SEPTIN4: variants seen among roughly 807,000 people sequenced by gnomAD.
SEPTIN4 encodes the protein septin 4, also known as septin-4.
Under a neutral mutation model 107.1 loss-of-function variants are expected in SEPTIN4, and 52 were observed. That is an observed-to-expected ratio of 0.49 (90% CI 0.39 to 0.61). SEPTIN4 has a LOEUF of 0.61. Ranked by LOEUF, SEPTIN4 falls within the 20% of genes least tolerant of loss-of-function variation. The pLI, the probability that SEPTIN4 is intolerant of heterozygous loss-of-function variation, is 0.00. For synonymous variants in SEPTIN4, 417 were observed against 467.0 expected (o/e 0.89, Z 1.38); for missense variants, 1,048 against 1,243.5 (o/e 0.84, Z 2.36).
intron 3 of SEPTIN4, among the ~76,000 whole-genome samples, chr17:58,532,970 T>C (rs1258106261): frequency 6.6e-6 from 1 of 152,144 alleles, no homozygotes; most frequent in South Asian, 2.1e-4. Context: ...CAGAAGCATG[T>C]CCCTTCCTGA....
intron 1 of SEPTIN4, 65 bp downstream of exon 1, chr17:58,542,561 G>A: frequency 1.9e-6 from 3 of 1,539,962 alleles, no homozygotes; most frequent in Non-Finnish European, 2.6e-6. Context: ...GGTCTTTCCT[G>A]CCCACCCCAA....
At position 58,543,431 on chromosome 17, in the gene SEPTIN4, A is replaced by G. The variant is rs111645535; in HGVS notation, c.756T>C (p.Pro252=). The G allele has an allele frequency of 1.9e-6, 3 of 1,614,226 alleles. No homozygotes were observed. The African/African-American group carries it at 4.0e-5, about 22-fold the overall frequency. Residue 252 remains proline (P), a synonymous_variant, in exon 1 of 14, where the codon CCT becomes CCC. Coordinates refer to ENST00000672673, the MANE Select transcript of SEPTIN4 (RefSeq NM_001368771.2). ...RVPVEESETG[P]YGPIPSKPKA... is the part of the protein sequence containing the mutation. ...TGGGTTTTGAAGGAATTGGACCGTA[A>G]GGACCTGTTTCTGATTCTTCTACAG...
rs775259373 is a variant in SEPTIN4 at position 58,525,716 on chromosome 17, G to A, written c.2071C>T (p.Arg691Trp). 28 of 1,614,108 alleles carry A rather than the reference G, an allele frequency of 1.7e-5. No homozygotes were observed. The highest frequency in any genetic ancestry group is 6.7e-5 in the Admixed American group (4 of 60,020). Residue 691 changes from arginine to tryptophan, a missense_variant, in exon 6 of 14, where the codon CGG becomes TGG. Physicochemically the swap from Arg to Trp is moderately radical, Grantham distance 101. Transcript: ENST00000672673. ...SLFLTDLYRD[R>W]KLLGAEERIM... ...TTACCTTCAGCACCAAGAAGTTTCCGGTCCCGGTACAGATCAGTGAGGAAG... is the reference window on the plus strand; with the variant it reads ...TTACCTTCAGCACCAAGAAGTTTCCAGTCCCGGTACAGATCAGTGAGGAAG...
In SEPTIN4 at chr17:58,543,346, A is replaced by T; in HGVS notation, c.841T>A (p.Ser281Thr). ...GCAGAAACTCGGTGTACACCATCAG[A>T]ATCTTTAAGGACAGAGAGTTTGAGC... ...SLLKLSVLKD[S>T]DGVHRVSARV... The change falls in exon 1 of 14, where the codon TCT becomes ACT. Residue 281 changes from serine (S) to threonine (T), a missense_variant. Coordinates refer to ENST00000672673, the MANE Select transcript of SEPTIN4 (RefSeq NM_001368771.2). 1 of 1,614,208 alleles carries T rather than the reference A, an allele frequency of 6.2e-7. No individual in the cohort carries two copies. The highest frequency in any genetic ancestry group is 8.5e-7 in the Non-Finnish European group (1 of 1,180,034).
chr17:58,526,379 ATCT>A (rs2042877491), intron 4 of SEPTIN4, 66 bp from the exon 5 acceptor site: 4 of 1,433,716 alleles, frequency 2.8e-6, no homozygotes, highest in South Asian at 3.2e-5. Flanking sequence ...CCCAGCGCCA[ATCT>A]TCTCTCCCTT....
At chr17:58,527,272 G>C (rs2043018560) in intron 3 of SEPTIN4, 3 of 594,322 alleles carry the variant, frequency 5.0e-6, no homozygotes, top group South Asian at 4.8e-5. Context: ...CTCCAGTTCT[G>C]GTCTCCTTCT....
At chr17:58,531,840 GC>G in intron 3 of SEPTIN4, 1 of 948,294 alleles carries the variant, frequency 1.1e-6, no homozygotes, top group Non-Finnish European at 1.3e-6. Context: ...CGGCGACGGC[GC>G]CTCCCACCCT....
At chr17:58,520,879 C>A in intron 12 of SEPTIN4, 37 bp from the exon 13 acceptor site, 1 of 1,613,848 alleles carries the variant, frequency 6.2e-7, no homozygotes, top group Non-Finnish European at 8.5e-7. Flanking sequence ...CGAGGAGGAC[C>A]CCAGCACCCG....
chr17:58,527,405 A>G (rs894190240), intron 3 of SEPTIN4: 1 of 355,230 alleles, frequency 2.8e-6, no homozygotes, highest in Non-Finnish European at 5.5e-6. Context: ...ACCCAAAAGG[A>G]GAGTACAGTG....
intron 3 of SEPTIN4, chr17:58,527,996 A>C (rs1283820359): frequency 4.1e-6 from 4 of 985,440 alleles, no homozygotes; most frequent in South Asian, 4.7e-5. Context: ...CTAGACCCTA[A>C]AGATTCTCCT....
chr17:58,526,111 C>T, intron 5 of SEPTIN4, 109 bp downstream of exon 5: 1 of 1,220,920 alleles, frequency 8.2e-7, no homozygotes, highest in African/African-American at 1.6e-5. Flanking sequence ...AACAGTACAG[C>T]CACTCGCTGC....
Position 58,543,654 on chromosome 17 carries a change from G to A in SEPTIN4, c.533C>T (p.Pro178Leu), listed in dbSNP as rs753901004. 6 of 1,614,044 alleles carry A rather than the reference G, an allele frequency of 3.7e-6. No homozygotes were observed. Among genetic ancestry groups the A allele is most frequent in the Non-Finnish European group, 5.1e-6 (6 of 1,180,016 alleles). ...LQSQILEDDP[P>L]SKVQNPQGVR... is the part of the protein sequence containing the mutation. ...TCCTTGGGGGTTCTGGACCTTGGAT[G>A]GTGGGTCATCTTCTAAGATTTGTGA... The change falls in exon 1 of 14, where the codon CCA becomes CTA. Residue 178 changes from proline to leucine, a missense_variant. Physicochemically the swap from Pro to Leu is moderately conservative, Grantham distance 98. Coordinates refer to ENST00000672673, the MANE Select transcript of SEPTIN4 (RefSeq NM_001368771.2).
In SEPTIN4 at chr17:58,542,781, A is replaced by G. The variant is rs796533210; in HGVS notation, c.1406T>C (p.Phe469Ser). ...TCTCTGGAACTTCAGATCCTCACAGAAAGGGCTAGAGTCTATTTTAAAACC... is the reference window on the plus strand; with the variant it reads ...TCTCTGGAACTTCAGATCCTCACAGGAAGGGCTAGAGTCTATTTTAAAACC... ...LSGFKIDSSPFCEDLKFQREK... is the reference protein window; with the variant it reads ...LSGFKIDSSPSCEDLKFQREK... Residue 469 changes from phenylalanine (F) to serine (S), a missense_variant, in exon 1 of 14, where the codon TTC (phenylalanine) becomes TCC (serine). Around this residue, in one of 2 missense-constraint regions of SEPTIN4, gnomAD observed 787 missense variants for 871.8 expected, o/e 0.90. Transcript: ENST00000672673. 10 of 1,614,042 alleles carry G rather than the reference A, an allele frequency of 6.2e-6. No individual in the cohort carries two copies. Among genetic ancestry groups the G allele is most frequent in the Admixed American group, 3.3e-5 (2 of 60,000 alleles).
chr17:58,532,034 A>C (rs1234421509), intron 3 of SEPTIN4: 2 of 1,125,442 alleles, frequency 1.8e-6, no homozygotes, highest in Non-Finnish European at 2.2e-6. Flanking sequence ...CTGCGCGCCG[A>C]CCTCGCAGCA....
Position 58,526,904 on chromosome 17 carries a change from C to T in SEPTIN4, c.1689G>A (p.Ala563=), listed in dbSNP as rs373228075. The part of the protein sequence containing the change: ...SKFVKDFSGN[A]SCHPPEAKTW... ...TCTTAGCCTCTGGTGGGTGGCAGCTCGCATTTCCTGAGAAATCCTTCACGA... is the reference window on the plus strand; with the variant it reads ...TCTTAGCCTCTGGTGGGTGGCAGCTTGCATTTCCTGAGAAATCCTTCACGA... Residue 563 remains alanine, a synonymous_variant, in exon 4 of 14, where the codon GCG becomes GCA. Coordinates refer to ENST00000672673, the MANE Select transcript of SEPTIN4 (RefSeq NM_001368771.2). 272 of 1,613,922 alleles carry T rather than the reference C, an allele frequency of 1.7e-4. No homozygotes were observed. The highest frequency in any genetic ancestry group is 2.3e-4 in the Admixed American group (14 of 59,990).
In SEPTIN4 at chr17:58,526,829, G is replaced by T. The variant is rs1282496069; in HGVS notation, c.1764C>A (p.Asp588Glu). Residue 588 changes from aspartate to glutamate, a missense_variant, in exon 4 of 14, where the codon GAC (aspartate) becomes GAA (glutamate). By Grantham distance (45) the Asp-to-Glu change is conservative (BLOSUM62 2). Coordinates refer to ENST00000672673, the MANE Select transcript of SEPTIN4 (RefSeq NM_001368771.2). ...QVPEPRPQAPDLYDDDLEFRP... is the reference protein window; with the variant it reads ...QVPEPRPQAPELYDDDLEFRP... Reference sequence around the variant, plus strand: ...TGAACTCCAGGTCATCATCATAGAGGTCCGGGGCCTGGGGCCTTGGCTCCG... The same window carrying T: ...TGAACTCCAGGTCATCATCATAGAGTTCCGGGGCCTGGGGCCTTGGCTCCG... The T allele has an allele frequency of 3.7e-6, 6 of 1,613,766 alleles. No individual in the cohort carries two copies. In the Admixed American group the frequency reaches 1.0e-4, roughly 27 times the overall value.
intron 3 of SEPTIN4, chr17:58,530,858 G>C (rs972600343): frequency 6.6e-6 from 1 of 152,386 alleles, no homozygotes; most frequent in African/African-American, 2.4e-5. Context: ...GCCTCTGCCT[G>C]GACACAGCTT....
chr17:58,535,087 C>T (rs1394678177), intron 3 of SEPTIN4, among the ~76,000 whole-genome samples: 1 of 152,204 alleles, frequency 6.6e-6, no homozygotes, highest in African/African-American at 2.4e-5. Context: ...CAAAGGCTAT[C>T]ACTGGGTTGT....
chr17:58,521,755 A>G lies in SEPTIN4; in HGVS notation c.2450T>C (p.Val817Ala). The change falls in exon 9 of 14, where the codon GTG becomes GCG. Residue 817 changes from valine (V) to alanine (A), a missense_variant. Physicochemically the swap from Val to Ala is moderately conservative, Grantham distance 64 (BLOSUM62 0). Coordinates refer to ENST00000672673, the MANE Select transcript of SEPTIN4 (RefSeq NM_001368771.2). This position sits in a 1 kb window ranked among gnomAD's most constrained non-coding sequence, Gnocchi z 6.4. Reference sequence around the variant, plus strand: ...CCTCACTTTGCGTTTCTTGTGGTCCACTTCGGGAGGTGTCAGTGTGTCTGC... The same window carrying G: ...CCTCACTTTGCGTTTCTTGTGGTCCGCTTCGGGAGGTGTCAGTGTGTCTGC... ...AKADTLTPPEVDHKKRKIREE... is the reference protein window; with the variant it reads ...AKADTLTPPEADHKKRKIREE... 1 of 1,614,228 alleles carries G rather than the reference A, an allele frequency of 6.2e-7. No homozygotes were observed. Among genetic ancestry groups the G allele is most frequent in the African/African-American group, 1.3e-5 (1 of 75,070 alleles).
Sources: gnomAD v4.1 joint callset for allele counts (sites outside exome capture counted in the v4.1 genomes callset) on GRCh38, gnomAD v4.1.1 for gene constraint, gnomAD v4.1.1 regional missense constraint, Gnocchi (gnomAD v3.1) non-coding constraint, MANE v1.5 for transcripts, NCBI Gene and HGNC (gene_info 2026-07-23, HGNC 2026-07-21) for gene names.